MMRN1: variants seen among roughly 807,000 people sequenced by gnomAD.
The protein encoded by MMRN1 is multimerin-1.
MMRN1 carries 94 observed loss-of-function variants against 100.7 expected under a neutral mutation model. The observed-to-expected ratio is 0.93, with a 90% confidence interval of 0.79 to 1.11. MMRN1 has a LOEUF of 1.11. Among genes scored for constraint, MMRN1 ranks in the 50% least tolerant of loss-of-function variants. The pLI, the probability that MMRN1 is intolerant of heterozygous loss-of-function variation, is 0.00. For missense variants in MMRN1, 1,606 were observed against 1,439.1 expected (o/e 1.12, Z -1.88); for synonymous variants, 575 against 505.0 (o/e 1.14, Z -1.86).
rs543966801 is a variant in MMRN1 at position 89,950,727 on chromosome 4, T to A, written c.3119-878T>A. Among the ~76,000 whole-genome samples the A allele has an allele frequency of 2.6e-5, 4 of 152,178 alleles. No homozygotes were observed. In the East Asian group the frequency reaches 7.7e-4, roughly 29 times the overall value. ...ACCATTTTCTTATTTTTATTTATTTTTTATTTAAAAAATTAGAGATGGGGT... is the reference window on the plus strand; with the variant it reads ...ACCATTTTCTTATTTTTATTTATTTATTATTTAAAAAATTAGAGATGGGGT... On this transcript the variant is annotated intron_variant, in intron 6 of 7. Coordinates refer to ENST00000264790, the MANE Select transcript of MMRN1 (RefSeq NM_007351.3).
intron 3 of MMRN1, among the ~76,000 whole-genome samples, chr4:89,920,036 T>C (rs549762396): frequency 6.6e-6 from 1 of 152,124 alleles, no homozygotes; most frequent in Non-Finnish European, 1.5e-5. Context: ...AAAATAGTTT[T>C]CAGATGTTGC....
In MMRN1 at chr4:89,951,710, A is replaced by G; in HGVS notation, c.3224A>G (p.Asn1075Ser). 1 of 1,612,228 alleles carries G rather than the reference A, an allele frequency of 6.2e-7. No individual in the cohort carries two copies. Among genetic ancestry groups the G allele is most frequent in the Non-Finnish European group, 8.5e-7 (1 of 1,179,308 alleles). ...CACRHPFTGDNCTIKLVEENA... is the reference protein window; with the variant it reads ...CACRHPFTGDSCTIKLVEENA... ...TGCAGACATCCTTTTACTGGTGACA[A>G]CTGCACTATCAAGCTTGTGGAAGAA... The change falls in exon 7 of 8, where the codon AAC becomes AGC. Residue 1075 changes from asparagine to serine, a missense_variant. Transcript: ENST00000264790.
At chr4:89,944,690 G>A (rs1262646357) in intron 6 of MMRN1, among the ~76,000 whole-genome samples, 1 of 152,084 alleles carries the variant, frequency 6.6e-6, no homozygotes, top group Non-Finnish European at 1.5e-5. Flanking sequence ...AGTTAATGGG[G>A]ATGGAATGGA....
rs752527012 is a variant in MMRN1, at chr4:89,909,434, C to T, written c.743+39C>T. The T allele has an allele frequency of 1.4e-5, 23 of 1,601,516 alleles. No individual in the cohort carries two copies. The Admixed American group carries it at 3.9e-4, about 27-fold the overall frequency. Reference sequence around the variant, plus strand: ...CTTGAAAATAGCCACTGTTTTTGCACCATAATAAATTATAGCCGGGAATAT... The same window carrying T: ...CTTGAAAATAGCCACTGTTTTTGCATCATAATAAATTATAGCCGGGAATAT... On this transcript the variant is annotated intron_variant, in intron 2 of 7. Coordinates refer to ENST00000264790, the MANE Select transcript of MMRN1 (RefSeq NM_007351.3).
chr4:89,923,057 A>G, intron 3 of MMRN1, 111 bp from the exon 4 acceptor site: 2 of 845,020 alleles, frequency 2.4e-6, no homozygotes, highest in Non-Finnish European at 3.9e-6. Flanking sequence ...CCCGACCATC[A>G]TGCTTCAGTA....
At position 89,953,493 on chromosome 4, in the gene MMRN1, GCT is replaced by G; in HGVS notation, c.*78_*79del. 1 of 1,380,178 alleles carries G rather than the reference GCT, an allele frequency of 7.2e-7. No homozygotes were observed. 85.5% of individuals were successfully genotyped at this position (1,380,178 alleles called of 1,614,324 possible). On this transcript the variant is annotated 3_prime_UTR_variant, in exon 8 of 8. Coordinates refer to ENST00000264790, the MANE Select transcript of MMRN1 (RefSeq NM_007351.3). ...TTCATTTATCTTTGCTTGCACATCTGCTCTGTTTTGGTTTTTCTACAGGAAAT... is the reference window on the plus strand; with the variant it reads ...TTCATTTATCTTTGCTTGCACATCTGCTGTTTTGGTTTTTCTACAGGAAAT...
chr4:89,936,478 A>G lies in MMRN1; in HGVS notation c.2798A>G (p.Asn933Ser), dbSNP rs753993168. 1.9e-6 allele frequency: 3 copies of G among 1,613,054 alleles called. No homozygotes were observed. The African/African-American group carries it at 4.0e-5, about 22-fold the overall frequency. ...CACGAAGTTTTAACAATGTGTCACA[A>G]TGCTTCTACAAGTGTGTCAGAACTG... ...TLHEVLTMCH[N>S]ASTSVSELNA... Residue 933 changes from asparagine to serine, a missense_variant, in exon 6 of 8, where the codon AAT (asparagine) becomes AGT (serine). Transcript: ENST00000264790.
intron 3 of MMRN1, among the ~76,000 whole-genome samples, chr4:89,916,374 AAAC>A (rs1322817681): frequency 7.0e-6 from 1 of 142,524 alleles, no homozygotes; most frequent in Admixed American, 6.9e-5. Context: ...GAAAAAAAAA[AAAC>A]AAACAAACAA....
At position 89,935,136 on chromosome 4, in the gene MMRN1, A is replaced by G. The variant is rs1320811300; in HGVS notation, c.1456A>G (p.Thr486Ala). The G allele has an allele frequency of 1.2e-6, 2 of 1,613,590 alleles. No individual in the cohort carries two copies. Among genetic ancestry groups the G allele is most frequent in the Non-Finnish European group, 1.7e-6 (2 of 1,179,724 alleles). ...TATTAAAGAACTAGAAGTAAAGCAG[A>G]CTCATTTAGAAGGTGCTCTAGAACA... is the stretch of plus-strand genomic sequence containing the variant. ...KPIKELEVKQ[T>A]HLEGALEQEH... Residue 486 changes from threonine (T) to alanine (A), a missense_variant, in exon 6 of 8, where the codon ACT becomes GCT. By Grantham distance (58) the Thr-to-Ala change is moderately conservative. Transcript: ENST00000264790.
Position 89,895,223 on chromosome 4 carries a change from T to G in MMRN1, c.252T>G (p.Pro84=). 6.2e-7 allele frequency: 1 copy of G among 1,613,724 alleles called. No individual in the cohort carries two copies. The highest frequency in any genetic ancestry group is 1.7e-5 in the Admixed American group (1 of 59,952). ...ACAGTCTTCTTAAATCAACACTGCC[T>G]CCCTCAGAAACAAGTGCACCTGCTG... ...SEDSLLKSTL[P]PSETSAPAEG... is the part of the protein sequence containing the mutation. The change falls in exon 1 of 8, where the codon CCT becomes CCG. Residue 84 remains proline, a synonymous_variant. Transcript: ENST00000264790.
chr4:89,897,363 T>C (rs1904350), intron 1 of MMRN1, among the ~76,000 whole-genome samples: 63,774 of 151,684 alleles, frequency 0.42, 13,787 homozygotes, highest in Admixed American at 0.47. Context: ...TGGTGTGCCA[T>C]CACACCCAGC....
chr4:89,936,112 G>A lies in MMRN1; in HGVS notation c.2432G>A (p.Arg811Lys). Residue 811 changes from arginine to lysine, a missense_variant, in exon 6 of 8, where the codon AGA becomes AAA. Transcript: ENST00000264790. ...GCCAAGACCCTTGCAGGTATTCCCA[G>A]AGATGAGAAACTAAATCAGTCCAAC... ...QVAKTLAGIPRDEKLNQSNFQ... is the reference protein window; with the variant it reads ...QVAKTLAGIPKDEKLNQSNFQ... 1.9e-6 allele frequency: 3 copies of A among 1,612,618 alleles called. No homozygotes were observed. Among genetic ancestry groups the A allele is most frequent in the East Asian group, 2.2e-5 (1 of 44,812 alleles).
intron 1 of MMRN1, among the ~76,000 whole-genome samples, chr4:89,903,000 A>G (rs1721441051): frequency 6.6e-6 from 1 of 151,928 alleles, no homozygotes; most frequent in Non-Finnish European, 1.5e-5. Context: ...TGATTTTCTT[A>G]AGGAAATAAA....
At chr4:89,895,741 A>C in intron 1 of MMRN1, 147 bp downstream of exon 1, 1 of 1,372,044 alleles carries the variant, frequency 7.3e-7, no homozygotes, top group African/African-American at 1.5e-5. Flanking sequence ...AGTTAGATAA[A>C]GTTATTGTTA....
In MMRN1 at chr4:89,895,284, A is replaced by C. The variant is rs1382176555; in HGVS notation, c.313A>C (p.Lys105Gln). Residue 105 changes from lysine to glutamine, a missense_variant, in exon 1 of 8, where the codon AAA (lysine) becomes CAA (glutamine). Lys to Gln is a moderately conservative substitution (Grantham distance 53). Transcript: ENST00000264790. ...AAATCAAACTCTCACATCCACAGAG[A>C]AAGCAGAAGGAGTGGTCAAGTTACA... The part of the protein sequence containing the change: ...VRNQTLTSTE[K>Q]AEGVVKLQNL... 6.2e-7 allele frequency: 1 copy of C among 1,613,812 alleles called. No homozygotes were observed. The highest frequency in any genetic ancestry group is 1.3e-5 in the African/African-American group (1 of 74,916).
chr4:89,952,793 G>A (rs1003742941), intron 7 of MMRN1, among the ~76,000 whole-genome samples: 11 of 152,094 alleles, frequency 7.2e-5, no homozygotes, highest in African/African-American at 2.7e-4. Flanking sequence ...AGAAACTGAG[G>A]CAACAAGAGG....
Position 89,953,098 on chromosome 4 carries a change from G to A in MMRN1, c.3367G>A (p.Asp1123Asn). 1 of 1,613,766 alleles carries A rather than the reference G, an allele frequency of 6.2e-7. No homozygotes were observed. The highest frequency in any genetic ancestry group is 1.7e-5 in the Admixed American group (1 of 59,970). The change falls in exon 8 of 8, where the codon GAT (aspartate) becomes AAT (asparagine). Residue 1123 changes from aspartate (D) to asparagine (N), a missense_variant. Coordinates refer to ENST00000264790, the MANE Select transcript of MMRN1 (RefSeq NM_007351.3). ...IPGPILFNNL[D>N]VNYGASYTPR... ...TGGTCCTATCCTGTTTAATAACTTG[G>A]ATGTCAATTATGGAGCTTCATATAC...
chr4:89,932,473 G>T (rs1722471944), intron 5 of MMRN1, among the ~76,000 whole-genome samples: 1 of 152,178 alleles, frequency 6.6e-6, no homozygotes, highest in African/African-American at 2.4e-5. Context: ...ACTGTGTGGG[G>T]GGTCCCACCC....
At position 89,909,167 on chromosome 4, in the gene MMRN1, T is replaced by A. The variant is rs1417480351; in HGVS notation, c.624-109T>A. On this transcript the variant is annotated intron_variant, in intron 1 of 7. Coordinates refer to ENST00000264790, the MANE Select transcript of MMRN1 (RefSeq NM_007351.3). Reference sequence around the variant, plus strand: ...AGCTAAATAGCAATCTTACAAGGTTTCTGATCTATAGTATGGCAAAAATAA... The same window carrying A: ...AGCTAAATAGCAATCTTACAAGGTTACTGATCTATAGTATGGCAAAAATAA... 42 of 1,144,934 alleles carry A rather than the reference T, an allele frequency of 3.7e-5. 1 individual carries two copies. The highest frequency in any genetic ancestry group is 5.0e-5 in the Non-Finnish European group (41 of 813,318). The allele number at this position is 1,144,934 out of a possible 1,614,324, so 70.9% of individuals were successfully genotyped here.
Sources: gnomAD v4.1 joint callset for allele counts (sites outside exome capture counted in the v4.1 genomes callset) on GRCh38, gnomAD v4.1.1 for gene constraint, MANE v1.5 for transcripts, NCBI Gene and HGNC (gene_info 2026-07-23, HGNC 2026-07-21) for gene names.